The following FOXN3 variants were observed in gnomAD, a reference collection of about 807,000 sequenced individuals.
FOXN3 encodes forkhead box N3, also known as forkhead box protein N3.
In FOXN3, 7 loss-of-function variants were observed where a neutral mutation model predicts 38.4. The ratio of observed to expected loss-of-function variants is 0.18; its 90% CI spans 0.10 to 0.34. FOXN3 has a LOEUF of 0.34. Ranked by LOEUF, FOXN3 falls within the 10% of genes least tolerant of loss-of-function variation. The probability of loss-of-function intolerance (pLI) is 1.00; values close to 1 mark genes in which losing one functional copy is unlikely to be tolerated. For missense variants in FOXN3, 456 were observed against 613.4 expected (o/e 0.74, Z 2.71); for synonymous variants, 230 against 242.2 (o/e 0.95, Z 0.47).
Position 89,343,651 on chromosome 14 carries a change from G to A in FOXN3, c.680+7021C>T, listed in dbSNP as rs1483954329. ...GGTTTTTTTTTTTTTTCTTTTTTGC[G>A]GCTCGTTAAATTCCTCTGAGGAAGC... On this transcript the variant is annotated intron_variant, in intron 3 of 5. Transcript: ENST00000557258. Among the ~76,000 whole-genome samples, 20 of 140,934 alleles carry A rather than the reference G, an allele frequency of 1.4e-4. 1 individual carries two copies. Among genetic ancestry groups the A allele is most frequent in the African/African-American group, 4.2e-4 (16 of 38,254 alleles). 92.5% of individuals were successfully genotyped at this position (140,934 alleles called of 152,430 possible). A position where few individuals can be genotyped will look rare whatever the true frequency, so the allele number is the denominator to read the frequency against.
At chr14:89,601,484 T>C (rs758609892) in intron 1 of FOXN3, among the ~76,000 whole-genome samples, 2 of 152,190 alleles carry the variant, frequency 1.3e-5, no homozygotes, top group Non-Finnish European at 2.9e-5. Flanking sequence ...CCATATGCCA[T>C]TGTCATTTAA....
chr14:89,261,506 A>G (rs1244777349), intron 4 of FOXN3, among the ~76,000 whole-genome samples: 1 of 152,126 alleles, frequency 6.6e-6, no homozygotes, highest in Non-Finnish European at 1.5e-5. Context: ...TTAAGAAGAG[A>G]AGGAGGGCCG....
At chr14:89,394,674 T>C (rs2140081313) in intron 2 of FOXN3, among the ~76,000 whole-genome samples, 1 of 152,352 alleles carries the variant, frequency 6.6e-6, no homozygotes, top group Middle Eastern at 3.4e-3. Context: ...TCTGGCCAGA[T>C]ACATGCATGC....
intron 1 of FOXN3, among the ~76,000 whole-genome samples, chr14:89,495,767 G>T (rs759552121): frequency 6.6e-6 from 1 of 152,178 alleles, no homozygotes; most frequent in East Asian, 1.9e-4. Flanking sequence ...TGACTCTCAT[G>T]AGAGTTCCAC....
At chr14:89,492,540 C>T (rs902946103) in intron 1 of FOXN3, among the ~76,000 whole-genome samples, 16 of 152,122 alleles carry the variant, frequency 1.1e-4, no homozygotes, top group African/African-American at 3.4e-4. Flanking sequence ...TTAAGACCAG[C>T]CTGGAAAATA....
At chr14:89,273,821 A>G (rs1324222860) in intron 4 of FOXN3, among the ~76,000 whole-genome samples, 3 of 152,248 alleles carry the variant, frequency 2.0e-5, no homozygotes, top group African/African-American at 7.2e-5. Flanking sequence ...ACAATAAGAC[A>G]AATGATGCCA....
At chr14:89,199,177 G>A (rs1377956197) in intron 4 of FOXN3, among the ~76,000 whole-genome samples, 2 of 152,146 alleles carry the variant, frequency 1.3e-5, no homozygotes, top group Non-Finnish European at 2.9e-5. Flanking sequence ...GAAGTTGCCC[G>A]AGTGAGCAGG....
chr14:89,183,610 G>A (rs73321225), intron 4 of FOXN3, among the ~76,000 whole-genome samples: 416 of 152,264 alleles, frequency 2.7e-3, no homozygotes, highest in African/African-American at 9.5e-3. Context: ...TGTAGGAAGT[G>A]TCAACTAAAC....
chr14:89,291,212 C>A, intron 3 of FOXN3: 1 of 436,834 alleles, frequency 2.3e-6, no homozygotes, highest in South Asian at 1.8e-5. Flanking sequence ...TGCTGACATC[C>A]GAGAGATGAC....
chr14:89,377,065 A>G (rs1318199686), intron 2 of FOXN3, among the ~76,000 whole-genome samples: 2 of 143,774 alleles, frequency 1.4e-5, no homozygotes, highest in Non-Finnish European at 3.0e-5. Context: ...GCTTGAGCCT[A>G]CATAAGCATT....
chr14:89,476,461 A>G (rs1469315839), intron 1 of FOXN3, among the ~76,000 whole-genome samples: 1 of 152,208 alleles, frequency 6.6e-6, no homozygotes, highest in African/African-American at 2.4e-5. Context: ...CTATGTTGAC[A>G]CCACCACTGA....
chr14:89,282,839 T>C (rs1349024187), intron 3 of FOXN3, among the ~76,000 whole-genome samples: 1 of 152,198 alleles, frequency 6.6e-6, no homozygotes, highest in African/African-American at 2.4e-5. Flanking sequence ...GGAATGAAGG[T>C]CGGATAAATC....
chr14:89,607,726 A>G (rs1896301843), intron 1 of FOXN3, among the ~76,000 whole-genome samples: 1 of 152,160 alleles, frequency 6.6e-6, no homozygotes, highest in South Asian at 2.1e-4. Context: ...TTCTTTCCTT[A>G]ACTAAAATAG....
chr14:89,459,991 A>ATGT (rs1892808083), intron 1 of FOXN3, among the ~76,000 whole-genome samples: 1 of 152,132 alleles, frequency 6.6e-6, no homozygotes, highest in South Asian at 2.1e-4. Flanking sequence ...GAATGCCAAG[A>ATGT]TGTTCCCCTG....
chr14:89,433,644 A>C (rs1892211831), intron 1 of FOXN3, among the ~76,000 whole-genome samples: 1 of 151,876 alleles, frequency 6.6e-6, no homozygotes, highest in Admixed American at 6.6e-5. Context: ...CTCTACTAAA[A>C]ATACAAAAAA....
intron 4 of FOXN3, among the ~76,000 whole-genome samples, chr14:89,255,972 C>T (rs1885606447): frequency 6.6e-6 from 1 of 152,108 alleles, no homozygotes; most frequent in South Asian, 2.1e-4. Context: ...AAGACACCTC[C>T]CCATGAGTGC....
intron 3 of FOXN3, among the ~76,000 whole-genome samples, chr14:89,324,772 C>G (rs866740199): frequency 6.6e-6 from 1 of 152,140 alleles, no homozygotes; most frequent in Non-Finnish European, 1.5e-5. Context: ...CCATCCTTGA[C>G]CAGCACAACT....
chr14:89,536,172 G>A (rs1450140119), intron 1 of FOXN3, among the ~76,000 whole-genome samples: 1 of 152,216 alleles, frequency 6.6e-6, no homozygotes, highest in Non-Finnish European at 1.5e-5. Flanking sequence ...CCAGCACTGT[G>A]TGGTGGCTAT....
intron 2 of FOXN3, among the ~76,000 whole-genome samples, chr14:89,357,850 T>C (rs190294718): frequency 4.6e-5 from 7 of 152,338 alleles, no homozygotes; most frequent in Admixed American, 2.0e-4. Flanking sequence ...TTCTCGCTAT[T>C]ATGCAACGCG....
Sources: gnomAD v4.1 joint callset for allele counts (sites outside exome capture counted in the v4.1 genomes callset) on GRCh38, gnomAD v4.1.1 for gene constraint, MANE v1.5 for transcripts, NCBI Gene and HGNC (gene_info 2026-07-23, HGNC 2026-07-21) for gene names.